Variants in EDC3 observed in about 807,000 individuals in gnomAD.
The protein encoded by EDC3 is enhancer of mRNA decapping 3.
Under a neutral mutation model 41.8 loss-of-function variants are expected in EDC3, and 20 were observed. The ratio of observed to expected loss-of-function variants is 0.48; its 90% CI spans 0.34 to 0.70. EDC3 has a LOEUF of 0.70. EDC3 is among the 30% of genes least tolerant of loss of function. The pLI, the probability that EDC3 is intolerant of heterozygous loss-of-function variation, is 0.01. For missense variants in EDC3, 444 were observed against 636.8 expected (o/e 0.70, Z 3.26); for synonymous variants, 206 against 243.2 (o/e 0.85, Z 1.42).
intron 3 of EDC3, among the ~76,000 whole-genome samples, chr15:74,666,253 C>T (rs1406677392): frequency 6.6e-6 from 1 of 152,080 alleles, no homozygotes; most frequent in African/African-American, 2.4e-5. Context: ...TATTCTGAGC[C>T]ACGTCTTATT....
intron 2 of EDC3, 141 bp downstream of exon 2, chr15:74,674,820 G>A (rs2062783584): frequency 6.2e-6 from 6 of 974,426 alleles, no homozygotes; most frequent in Non-Finnish European, 7.7e-6. Flanking sequence ...TTCGAGACCA[G>A]CCTGGCCAAC....
intron 3 of EDC3, among the ~76,000 whole-genome samples, chr15:74,668,415 AT>A (rs2062701234): frequency 6.6e-6 from 1 of 152,276 alleles, no homozygotes; most frequent in East Asian, 1.9e-4. Context: ...GTAGAAAAAA[AT>A]AATATGAATT....
chr15:74,645,380 CTAA>C (rs2062401149), intron 4 of EDC3: 1 of 152,010 alleles, frequency 6.6e-6, no homozygotes, highest in African/African-American at 2.4e-5. Context: ...GGGATGAAAT[CTAA>C]TGATGAGTAC....
intron 6 of EDC3, among the ~76,000 whole-genome samples, chr15:74,634,384 T>G (rs1036856534): frequency 2.0e-5 from 3 of 152,212 alleles, no homozygotes; most frequent in African/African-American, 7.2e-5. Flanking sequence ...TTCCAACTTC[T>G]GTATCTACTC....
At chr15:74,680,692 A>T (rs2062861354) in intron 1 of EDC3, among the ~76,000 whole-genome samples, 1 of 152,220 alleles carries the variant, frequency 6.6e-6, no homozygotes, top group South Asian at 2.1e-4. Context: ...GAAAAAACAA[A>T]ACTATCCCCA....
intron 3 of EDC3, among the ~76,000 whole-genome samples, chr15:74,660,197 T>A (rs1453740226): frequency 6.7e-6 from 1 of 150,164 alleles, no homozygotes; most frequent in East Asian, 2.0e-4. Context: ...AATATATATA[T>A]GTATATGACC....
chr15:74,660,433 A>G (rs199646333), intron 3 of EDC3, among the ~76,000 whole-genome samples: 3,248 of 47,134 alleles, frequency 0.069, 55 homozygotes, highest in African/African-American at 0.1. Flanking sequence ...ATATATATAT[A>G]TGTGTGTGTG....
chr15:74,634,204 T>C (rs2062244441), intron 6 of EDC3, among the ~76,000 whole-genome samples: 1 of 152,204 alleles, frequency 6.6e-6, no homozygotes, highest in African/African-American at 2.4e-5. Flanking sequence ...TGTCTTCCTT[T>C]GACCTTAACC....
chr15:74,682,666 T>C (rs1303074504), intron 1 of EDC3, among the ~76,000 whole-genome samples: 1 of 148,774 alleles, frequency 6.7e-6, no homozygotes, highest in Non-Finnish European at 1.5e-5. Flanking sequence ...AACTACAATA[T>C]GACCCAGCAG....
At position 74,671,345 on chromosome 15, in the gene EDC3, G is replaced by T; in HGVS notation, c.484+110C>A. The T allele has an allele frequency of 8.3e-7, 1 of 1,208,008 alleles. No individual in the cohort carries two copies. Among genetic ancestry groups the T allele is most frequent in the Non-Finnish European group, 1.2e-6 (1 of 854,580 alleles). 74.8% of individuals were successfully genotyped at this position (1,208,008 alleles called of 1,614,324 possible). A position where few individuals can be genotyped will look rare whatever the true frequency, so the allele number is the denominator to read the frequency against. On this transcript the variant is annotated intron_variant, in intron 3 of 6. Transcript: ENST00000315127. This position sits in a 1 kb window ranked among gnomAD's most constrained non-coding sequence, Gnocchi z 4.6. Reference sequence around the variant, plus strand: ...GTTGTATTTCTGTGACGCTCAGCCAGCATCCATTTTATTGGAATAACAAAG... The same window carrying T: ...GTTGTATTTCTGTGACGCTCAGCCATCATCCATTTTATTGGAATAACAAAG...
At chr15:74,649,620 A>G (rs971711832) in intron 4 of EDC3, among the ~76,000 whole-genome samples, 3 of 152,206 alleles carry the variant, frequency 2.0e-5, no homozygotes, top group Non-Finnish European at 2.9e-5. Context: ...ACTGAATAAT[A>G]ATTACAGATT....
chr15:74,651,380 A>C (rs1567161856), intron 4 of EDC3, among the ~76,000 whole-genome samples: 1 of 152,234 alleles, frequency 6.6e-6, no homozygotes, highest in Admixed American at 6.5e-5. Context: ...GGGGTTAAAC[A>C]AAGAGCTAAA....
intron 4 of EDC3, among the ~76,000 whole-genome samples, chr15:74,650,735 T>C (rs2062470940): frequency 6.6e-6 from 1 of 152,218 alleles, no homozygotes; most frequent in African/African-American, 2.4e-5. Flanking sequence ...CGGTGGCTCA[T>C]GCCTGTAATC....
Position 74,674,994 on chromosome 15 carries a change from C to G in EDC3, c.131G>C (p.Gly44Ala), listed in dbSNP as rs1245917300. ...GACTTCTGGAACAAGACACTTCACT[C>G]CATTATGGAAAGGCCGGGTGAGAGA... ...TISLTRPFHN[G>A]VKCLVPEVTF... Residue 44 changes from glycine (G) to alanine (A), a missense_variant, in exon 2 of 7, where the codon GGA becomes GCA. Coordinates refer to ENST00000315127, the MANE Select transcript of EDC3 (RefSeq NM_025083.5). The G allele has an allele frequency of 6.2e-6, 10 of 1,614,058 alleles. No individual in the cohort carries two copies. Among genetic ancestry groups the G allele is most frequent in the African/African-American group, 1.3e-5 (1 of 74,928 alleles).
chr15:74,649,143 C>G lies in EDC3; in HGVS notation c.820+6590G>C, dbSNP rs2062451073. ...GCAGTGGCACAATCTCAGCTCACTG[C>G]AAGCTCCGCCTCCCAGGTTCACGCC... On this transcript the variant is annotated intron_variant, in intron 4 of 6. Transcript: ENST00000315127. Among the ~76,000 whole-genome samples, 3 of 149,070 alleles carry G rather than the reference C, an allele frequency of 2.0e-5. No individual in the cohort carries two copies. The South Asian group carries it at 6.4e-4, about 32-fold the overall frequency.
At position 74,695,946 on chromosome 15, in the gene EDC3, C is replaced by T. The variant is rs1298730322; in HGVS notation, c.-85G>A. 1 of 152,718 alleles carries T rather than the reference C, an allele frequency of 6.5e-6. No homozygotes were observed. The highest frequency in any genetic ancestry group is 1.9e-4 in the East Asian group (1 of 5,210). 9.5% of individuals were successfully genotyped at this position (152,718 alleles called of 1,614,324 possible). On this transcript the variant is annotated 5_prime_UTR_variant, in exon 1 of 7. Transcript: ENST00000315127. ...AAGCCGACCACTCAACACCAGAGGA[C>T]CCACAGAAGAATTCTCTCCACGCCC...
In EDC3 at chr15:74,674,737, G is replaced by A. The variant is rs544882804; in HGVS notation, c.164+224C>T. The A allele has an allele frequency of 3.0e-4, 167 of 551,746 alleles. 4 individuals carry two copies. The South Asian group carries it at 3.4e-3, about 11-fold the overall frequency. The allele number at this position is 551,746 out of a possible 1,614,324, so 34.2% of individuals were successfully genotyped here. A position where few individuals can be genotyped will look rare whatever the true frequency, so the allele number is the denominator to read the frequency against. ...AAAGAGGAAATAAACAGTATAGGCC[G>A]GGCATGGTGGTTCACACCTGAAATC... On this transcript the variant is annotated intron_variant, in intron 2 of 6. Coordinates refer to ENST00000315127, the MANE Select transcript of EDC3 (RefSeq NM_025083.5).
chr15:74,688,005 T>C (rs982415728), intron 1 of EDC3, among the ~76,000 whole-genome samples: 5 of 152,380 alleles, frequency 3.3e-5, no homozygotes, highest in African/African-American at 1.2e-4. Context: ...TTTGAAAATG[T>C]GGATACTCGT....
intron 3 of EDC3, among the ~76,000 whole-genome samples, chr15:74,666,656 T>C (rs942910946): frequency 1.3e-5 from 2 of 152,136 alleles, no homozygotes; most frequent in African/African-American, 4.8e-5. Flanking sequence ...ACTGCAGGGA[T>C]GGTATAATAA....
Sources: gnomAD v4.1 joint callset for allele counts (sites outside exome capture counted in the v4.1 genomes callset) on GRCh38, gnomAD v4.1.1 for gene constraint, Gnocchi (gnomAD v3.1) non-coding constraint, MANE v1.5 for transcripts, NCBI Gene and HGNC (gene_info 2026-07-23, HGNC 2026-07-21) for gene names.